Variants in CMIP observed in about 807,000 individuals in gnomAD.
CMIP encodes the protein C-Maf-inducing protein.
Under a neutral mutation model 97.3 loss-of-function variants are expected in CMIP, and 13 were observed. The observed-to-expected ratio is 0.13, with a 90% CI of 0.09 to 0.21. The LOEUF (loss-of-function observed/expected upper bound fraction) is 0.21, where lower values mean the gene tolerates loss of function less well. Among genes scored for constraint, CMIP ranks in the 10% least tolerant of loss-of-function variants. The probability of loss-of-function intolerance (pLI) is 1.00; values close to 1 mark genes in which losing one functional copy is unlikely to be tolerated. For missense variants in CMIP, 847 were observed against 1,024.9 expected, an observed-to-expected ratio of 0.83 and a Z score of 2.37; for synonymous variants, 538 against 436.3, an observed-to-expected ratio of 1.23 and a Z score of -2.91.
chr16:81,504,811 C>G (rs190580312), intron 1 of CMIP, among the ~76,000 whole-genome samples: 162 of 152,250 alleles, frequency 1.1e-3, no homozygotes, highest in African/African-American at 3.6e-3. Flanking sequence ...ATGAGGAGAG[C>G]AAGAGTGAGG....
At chr16:81,568,940 G>A (rs557934175) in intron 1 of CMIP, among the ~76,000 whole-genome samples, 1 of 152,314 alleles carries the variant, frequency 6.6e-6, no homozygotes, top group African/African-American at 2.4e-5. Context: ...AGGGGAAAAG[G>A]TGCAAAGAAC....
intron 1 of CMIP, among the ~76,000 whole-genome samples, chr16:81,462,059 C>G (rs1285772977): frequency 6.6e-6 from 1 of 152,228 alleles, no homozygotes; most frequent in Admixed American, 6.5e-5. Flanking sequence ...TACTTCTCTT[C>G]TGTCATATCC....
At chr16:81,603,649 C>T (rs191199437) in intron 1 of CMIP, among the ~76,000 whole-genome samples, 88 of 152,312 alleles carry the variant, frequency 5.8e-4, no homozygotes, top group African/African-American at 2.1e-3. Context: ...TACCTGTAGT[C>T]ACGTCTCCCA....
intron 1 of CMIP, among the ~76,000 whole-genome samples, chr16:81,493,373 TTACCTGTC>T (rs1182077056): frequency 7.8e-4 from 119 of 152,272 alleles, no homozygotes; most frequent in Non-Finnish European, 1.1e-3. Flanking sequence ...TTACCTGTCG[TTACCTGTC>T]GTTACCTGTT....
intron 10 of CMIP, among the ~76,000 whole-genome samples, chr16:81,680,965 C>T (rs779930803): frequency 5.9e-5 from 9 of 152,216 alleles, no homozygotes; most frequent in Non-Finnish European, 1.2e-4. Flanking sequence ...TCTTCATAAA[C>T]ATGCTCATGA....
At chr16:81,603,501 TAGTC>T (rs2091692340) in intron 1 of CMIP, 1 of 453,028 alleles carries the variant, frequency 2.2e-6, no homozygotes, top group Admixed American at 2.4e-5. Flanking sequence ...GCTAGTATCT[TAGTC>T]TGTGGGCTGC....
intron 1 of CMIP, among the ~76,000 whole-genome samples, chr16:81,515,152 A>G (rs1331419509): frequency 1.3e-5 from 2 of 152,176 alleles, no homozygotes; most frequent in Non-Finnish European, 2.9e-5. Context: ...GTCTTCTCCC[A>G]GTTAAACTAG....
At chr16:81,670,313 G>T in intron 8 of CMIP, 68 bp downstream of exon 8, 1 of 1,485,880 alleles carries the variant, frequency 6.7e-7, no homozygotes, top group Non-Finnish European at 9.2e-7. Flanking sequence ...TGTTTACTCA[G>T]ATATCCACGG....
At chr16:81,567,921 T>A (rs566410050) in intron 1 of CMIP, among the ~76,000 whole-genome samples, 18 of 152,282 alleles carry the variant, frequency 1.2e-4, no homozygotes, top group Admixed American at 1.2e-3. Flanking sequence ...CCCCTAATGT[T>A]TCATTCTCCA....
rs1465464654 is a variant in CMIP at position 81,519,301 on chromosome 16, AG to A, written c.300+73761del. 4 of 152,376 alleles carry A rather than the reference AG, an allele frequency of 2.6e-5. 1 individual carries two copies. Among genetic ancestry groups the A allele is most frequent in the East Asian group, 1.9e-4 (1 of 5,180 alleles). The allele number at this position is 152,376 out of a possible 1,614,324, so 9.4% of individuals were successfully genotyped here. A position where few individuals can be genotyped will look rare whatever the true frequency, so the allele number is the denominator to read the frequency against. ...ATGACAGAGTGAGACCCTGTCTCAA[AG>A]CAAACACACACACAAAAAGTAAAAT... On this transcript the variant is annotated intron_variant, in intron 1 of 20. Coordinates refer to ENST00000537098, the MANE Select transcript of CMIP (RefSeq NM_198390.3).
intron 2 of CMIP, among the ~76,000 whole-genome samples, chr16:81,612,072 G>C (rs1409482635): frequency 6.6e-6 from 1 of 152,226 alleles, no homozygotes; most frequent in African/African-American, 2.4e-5. Flanking sequence ...CTTTCTGCTA[G>C]CATTTCATTG....
At chr16:81,551,214 C>G (rs1274882824) in intron 1 of CMIP, among the ~76,000 whole-genome samples, 1 of 151,710 alleles carries the variant, frequency 6.6e-6, no homozygotes. Flanking sequence ...CACACGCACC[C>G]CAGTTCCATC....
chr16:81,453,907 G>A lies in CMIP; in HGVS notation c.300+8366G>A, dbSNP rs1297090013. 6.6e-6 allele frequency among the ~76,000 whole-genome samples: 1 copy of A among 152,240 alleles called. No homozygotes were observed. The highest frequency in any genetic ancestry group is 1.5e-5 in the Non-Finnish European group (1 of 68,042). ...CACGGCCACACGGAGTGCAGGGGAA[G>A]ACTTGGGAACATGGTTTACATGTGC... On this transcript the variant is annotated intron_variant, in intron 1 of 20. Coordinates refer to ENST00000537098, the MANE Select transcript of CMIP (RefSeq NM_198390.3). This position sits in a 1 kb window ranked among gnomAD's most constrained non-coding sequence, Gnocchi z 4.0.
chr16:81,476,532 A>G, intron 1 of CMIP: 1 of 643,478 alleles, frequency 1.6e-6, no homozygotes. Flanking sequence ...CTGATAGAAC[A>G]GGTTTCCCGA....
At chr16:81,505,002 G>A (rs1311726114) in intron 1 of CMIP, among the ~76,000 whole-genome samples, 1 of 152,278 alleles carries the variant, frequency 6.6e-6, no homozygotes, top group African/African-American at 2.4e-5. Context: ...AGGCTGGGCT[G>A]TGCAACGGTA....
At chr16:81,705,378 G>C in intron 18 of CMIP, 121 bp from the exon 19 acceptor site, 2 of 673,990 alleles carry the variant, frequency 3.0e-6, no homozygotes, top group Middle Eastern at 3.3e-4. Flanking sequence ...CCAGGGCTTG[G>C]TGGGCCATGG....
At chr16:81,604,347 G>A (rs1412200770) in intron 1 of CMIP, among the ~76,000 whole-genome samples, 4 of 139,076 alleles carry the variant, frequency 2.9e-5, no homozygotes, top group Non-Finnish European at 6.0e-5. Flanking sequence ...AGTGAGCTGA[G>A]AATGCACCAT....
At chr16:81,487,800 G>A (rs1278934273) in intron 1 of CMIP, among the ~76,000 whole-genome samples, 1 of 152,244 alleles carries the variant, frequency 6.6e-6, no homozygotes, top group East Asian at 1.9e-4. Flanking sequence ...AGGCTCAAGA[G>A]CTGTGGTGCC....
intron 1 of CMIP, among the ~76,000 whole-genome samples, chr16:81,458,319 A>G (rs1273153377): frequency 6.6e-6 from 1 of 152,162 alleles, no homozygotes; most frequent in Non-Finnish European, 1.5e-5. Context: ...GTTGGCATGC[A>G]GGTTCTACCC....
Sources: allele counts gnomAD v4.1 joint callset (sites outside exome capture counted in the v4.1 genomes callset), GRCh38; gene constraint gnomAD v4.1.1; non-coding constraint Gnocchi (gnomAD v3.1); transcripts MANE v1.5; gene names NCBI Gene and HGNC (gene_info 2026-07-23, HGNC 2026-07-21).